SUPT5H: variants seen among roughly 807,000 people sequenced by gnomAD.
SUPT5H encodes transcription elongation factor SPT5.
In SUPT5H, 24 loss-of-function variants were observed where a neutral mutation model predicts 142.5. The observed-to-expected ratio is 0.17, with a 90% CI of 0.12 to 0.24. The LOEUF (loss-of-function observed/expected upper bound fraction) is 0.24, where lower values mean the gene tolerates loss of function less well. SUPT5H is among the 10% of genes least tolerant of loss of function. SUPT5H has a pLI of 1.00. For synonymous variants in SUPT5H, 546 were observed against 553.0 expected (o/e 0.99, Z 0.18); for missense variants, 893 against 1,471.8 (o/e 0.61, Z 6.43).
chr19:39,445,794 C>T lies in SUPT5H; in HGVS notation c.-87-10C>T. 3 of 1,476,320 alleles carry T rather than the reference C, an allele frequency of 2.0e-6. No individual in the cohort carries two copies. The highest frequency in any genetic ancestry group is 1.9e-5 in the Admixed American group (1 of 51,648). 91.5% of individuals were successfully genotyped at this position (1,476,320 alleles called of 1,614,324 possible). A position where few individuals can be genotyped will look rare whatever the true frequency, so the allele number is the denominator to read the frequency against. On this transcript the variant is annotated splice_polypyrimidine_tract_variant and intron_variant, in intron 1 of 29. Coordinates refer to ENST00000432763, the MANE Select transcript of SUPT5H (RefSeq NM_001111020.3). ...TGCCGGAAGCGCCCTAAGGGGTTTT[C>T]TTCTCCCAGGGAACCAGCGGGGAAA...
chr19:39,468,437 G>C (rs1167453448), intron 13 of SUPT5H: 1 of 402,578 alleles, frequency 2.5e-6, no homozygotes, highest in Admixed American at 3.9e-5. Context: ...CACTATTCTT[G>C]GTGAAATTTA....
intron 10 of SUPT5H, among the ~76,000 whole-genome samples, chr19:39,461,856 T>A (rs2079167701): frequency 6.6e-6 from 1 of 150,844 alleles, no homozygotes; most frequent in Non-Finnish European, 1.5e-5. Flanking sequence ...ATAATAATAA[T>A]TAAAAGAAGT....
At chr19:39,461,938 A>C (rs1357935110) in intron 10 of SUPT5H, among the ~76,000 whole-genome samples, 1 of 151,750 alleles carries the variant, frequency 6.6e-6, no homozygotes, top group Non-Finnish European at 1.5e-5. Flanking sequence ...GTCTCTGATT[A>C]TTATTTTTTT....
At chr19:39,460,068 C>G (rs539777827) in intron 10 of SUPT5H, 108 bp downstream of exon 10, 1 of 1,139,906 alleles carries the variant, frequency 8.8e-7, no homozygotes, top group African/African-American at 1.5e-5. Flanking sequence ...GCAGAGCTGC[C>G]TGCTGAGTGA....
chr19:39,449,239 G>C (rs1175247915), intron 2 of SUPT5H, among the ~76,000 whole-genome samples: 1 of 152,036 alleles, frequency 6.6e-6, no homozygotes, highest in Non-Finnish European at 1.5e-5. Flanking sequence ...GCACATCCAA[G>C]CCCTGAGGTG....
At chr19:39,456,061 G>A (rs567966662) in intron 3 of SUPT5H, among the ~76,000 whole-genome samples, 38 of 146,956 alleles carry the variant, frequency 2.6e-4, no homozygotes, top group African/African-American at 9.6e-4. Context: ...CGAGTAGCTG[G>A]GATTATAGGC....
At chr19:39,445,733 G>C in intron 1 of SUPT5H, 71 bp from the exon 2 acceptor site, 2 of 786,532 alleles carry the variant, frequency 2.5e-6, no homozygotes, top group South Asian at 3.3e-5. Flanking sequence ...CGTAGGAGGG[G>C]GTCCTCACTC....
chr19:39,446,338 A>T (rs543411072), intron 2 of SUPT5H, among the ~76,000 whole-genome samples: 107 of 152,356 alleles, frequency 7.0e-4, no homozygotes, highest in African/African-American at 2.5e-3. Flanking sequence ...AAAAGATTTT[A>T]AAAATGTCTG....
At chr19:39,453,179 T>C (rs1262028130) in intron 2 of SUPT5H, among the ~76,000 whole-genome samples, 177 bp from the exon 3 acceptor site, 1 of 151,976 alleles carries the variant, frequency 6.6e-6, no homozygotes, top group Non-Finnish European at 1.5e-5. Context: ...GGCAGTGCTG[T>C]CGCTGAGATA....
In SUPT5H at chr19:39,476,325, A is replaced by G. The variant is rs1220119692; in HGVS notation, c.3190A>G (p.Ile1064Val). The part of the protein sequence containing the change: ...VLLSIDGEDG[I>V]VRMDLDEQLK... Reference sequence around the variant, plus strand: ...ACTGAGCATTGATGGTGAGGATGGCATTGTCCGTATGGACCTTGATGAGCA... The same window carrying G: ...ACTGAGCATTGATGGTGAGGATGGCGTTGTCCGTATGGACCTTGATGAGCA... The change falls in exon 30 of 30, where the codon ATT becomes GTT. Residue 1064 changes from isoleucine to valine, a missense_variant. Coordinates refer to ENST00000432763, the MANE Select transcript of SUPT5H (RefSeq NM_001111020.3). 6.2e-7 allele frequency: 1 copy of G among 1,614,080 alleles called. No homozygotes were observed. The highest frequency in any genetic ancestry group is 8.5e-7 in the Non-Finnish European group (1 of 1,180,012).
At chr19:39,453,022 A>G (rs922352736) in intron 2 of SUPT5H, among the ~76,000 whole-genome samples, 9 of 151,682 alleles carry the variant, frequency 5.9e-5, no homozygotes, top group Non-Finnish European at 1.5e-5. Flanking sequence ...CAAAAAAAAA[A>G]AAAAAAAGAG....
At position 39,445,839 on chromosome 19, in the gene SUPT5H, G is replaced by T. The variant is rs1409972648; in HGVS notation, c.-52G>T. 9 of 1,596,032 alleles carry T rather than the reference G, an allele frequency of 5.6e-6. No individual in the cohort carries two copies. In the East Asian group the frequency reaches 2.0e-4, roughly 36 times the overall value. ...GGGAAACTGAGGCTCGGGGTGGAGC[G>T]CAGGATTGTGGGACGCGCCAAGGCT... On this transcript the variant is annotated 5_prime_UTR_variant, in exon 2 of 30. Transcript: ENST00000432763.
In SUPT5H at chr19:39,472,047, G is replaced by A. The variant is rs1023938325; in HGVS notation, c.1950+317G>A. Among the ~76,000 whole-genome samples the A allele has an allele frequency of 6.6e-6, 1 of 152,220 alleles. No homozygotes were observed. Among genetic ancestry groups the A allele is most frequent in the Non-Finnish European group, 1.5e-5 (1 of 68,038 alleles). ...AGGTGGACAGACAGATAAACCCATC[G>A]TACAGCTTGAGGTGATAGCAAGCGC... On this transcript the variant is annotated intron_variant, in intron 20 of 29. Transcript: ENST00000432763. This position sits in a 1 kb window ranked among gnomAD's most constrained non-coding sequence, Gnocchi z 4.2.
At chr19:39,447,944 T>G (rs1344132199) in intron 2 of SUPT5H, among the ~76,000 whole-genome samples, 1 of 152,226 alleles carries the variant, frequency 6.6e-6, no homozygotes, top group Non-Finnish European at 1.5e-5. Flanking sequence ...GTTAAATTAG[T>G]TGCCAATGCT....
At position 39,470,203 on chromosome 19, in the gene SUPT5H, G is replaced by A. The variant is rs746989824; in HGVS notation, c.1459G>A (p.Gly487Ser). ...GAAGGTGATTGCTGGCCGATTCGAG[G>A]GCGACACAGGCCTCATTGTGCGGGT... is the stretch of plus-strand genomic sequence containing the variant. Reference protein sequence around the residue: ...HVKVIAGRFEGDTGLIVRVEE... With the variant: ...HVKVIAGRFESDTGLIVRVEE... Residue 487 changes from glycine (G) to serine (S), a missense_variant, in exon 17 of 30, where the codon GGC becomes AGC. Transcript: ENST00000432763. This position sits in a 1 kb window ranked among gnomAD's most constrained non-coding sequence, Gnocchi z 5.8. 4 of 1,609,916 alleles carry A rather than the reference G, an allele frequency of 2.5e-6. No homozygotes were observed. In the South Asian group the frequency reaches 3.3e-5, roughly 13 times the overall value.
rs2079289425 is a variant in SUPT5H at position 39,469,510 on chromosome 19, T to C, written c.1374+112T>C. The C allele has an allele frequency of 6.7e-7, 1 of 1,482,830 alleles. No individual in the cohort carries two copies. The highest frequency in any genetic ancestry group is 9.2e-7 in the Non-Finnish European group (1 of 1,089,960). 91.9% of individuals were successfully genotyped at this position (1,482,830 alleles called of 1,614,324 possible). The stretch of plus-strand genomic sequence containing the variant: ...GACACCTGGTTTCCAGGAGGGTAAG[T>C]TGAGGCCCTTCTAGCATTCTCAGGT... On this transcript the variant is annotated intron_variant, in intron 16 of 29. Coordinates refer to ENST00000432763, the MANE Select transcript of SUPT5H (RefSeq NM_001111020.3). This position sits in a 1 kb window ranked among gnomAD's most constrained non-coding sequence, Gnocchi z 5.1.
At chr19:39,450,582 A>C (rs1282132346) in intron 2 of SUPT5H, among the ~76,000 whole-genome samples, 1 of 152,230 alleles carries the variant, frequency 6.6e-6, no homozygotes, top group East Asian at 1.9e-4. Context: ...GGCAGCAGGC[A>C]GAGCATGTGC....
At chr19:39,448,381 G>A (rs1373063388) in intron 2 of SUPT5H, among the ~76,000 whole-genome samples, 1 of 152,108 alleles carries the variant, frequency 6.6e-6, no homozygotes, top group Non-Finnish European at 1.5e-5. Flanking sequence ...TGACAGGGAG[G>A]GCCTTTTCTC....
rs929731102 is a variant in SUPT5H at position 39,473,141 on chromosome 19, G to A, written c.2258+27G>A. ...TACGGGCGGGGCCTGGGGAGGGCCAGGGTGGGGCTTGCTAGGCAGTGAGAG... is the reference window on the plus strand; with the variant it reads ...TACGGGCGGGGCCTGGGGAGGGCCAAGGTGGGGCTTGCTAGGCAGTGAGAG... On this transcript the variant is annotated intron_variant, in intron 23 of 29. Coordinates refer to ENST00000432763, the MANE Select transcript of SUPT5H (RefSeq NM_001111020.3). This position sits in a 1 kb window ranked among gnomAD's most constrained non-coding sequence, Gnocchi z 5.8. The A allele has an allele frequency of 9.3e-6, 15 of 1,611,708 alleles. No individual in the cohort carries two copies. The Admixed American group carries it at 2.0e-4, about 21-fold the overall frequency.
Sources: gnomAD v4.1 joint callset for allele counts (sites outside exome capture counted in the v4.1 genomes callset) on GRCh38, gnomAD v4.1.1 for gene constraint, Gnocchi (gnomAD v3.1) non-coding constraint, MANE v1.5 for transcripts, NCBI Gene and HGNC (gene_info 2026-07-23, HGNC 2026-07-21) for gene names.